CP: variants seen among roughly 807,000 people sequenced by gnomAD.
The protein encoded by CP is caeruloplasmin.
CP carries 64 observed loss-of-function variants against 122.4 expected under a neutral mutation model. That is an observed-to-expected ratio of 0.52 (90% CI 0.43 to 0.64). The LOEUF (loss-of-function observed/expected upper bound fraction) is 0.64, where lower values mean the gene tolerates loss of function less well. Ranked by LOEUF, CP falls within the 30% of genes least tolerant of loss-of-function variation. The pLI, the probability that CP is intolerant of heterozygous loss-of-function variation, is 0.00. For missense variants in CP, 1,167 were observed against 1,284.4 expected, an observed-to-expected ratio of 0.91 and a Z score of 1.40; for synonymous variants, 440 against 436.4, an observed-to-expected ratio of 1.01 and a Z score of -0.10.
exon 6 of CP, chr3:149,162,629 C>T: frequency 6.5e-7 from 1 of 1,532,730 alleles, no homozygotes; most frequent in Non-Finnish European, 9.0e-7. Context: ...TTCAGCCCAG[C>T]TGTCGCTTTA....
At position 149,173,644 on chromosome 3, in the gene CP, A is replaced by G. The variant is rs555277984; in HGVS notation, c.*70T>C. ...TCATTCCAAAGTAACATTCTATTTT[A>G]CACTTTCACATACATTGTTATGAAT... On this transcript the variant is annotated 3_prime_UTR_variant, in exon 19 of 19. Coordinates refer to ENST00000264613, the MANE Select transcript of CP (RefSeq NM_000096.4). 3.0e-6 allele frequency: 3 copies of G among 992,384 alleles called. No individual in the cohort carries two copies. Among genetic ancestry groups the G allele is most frequent in the Non-Finnish European group, 3.1e-6 (2 of 650,082 alleles). The allele number at this position is 992,384 out of a possible 1,614,324, so 61.5% of individuals were successfully genotyped here. A position where few individuals can be genotyped will look rare whatever the true frequency, so the allele number is the denominator to read the frequency against.
intron 7 of CP, among the ~76,000 whole-genome samples, chr3:149,201,314 G>T (rs1727297735): frequency 6.6e-6 from 1 of 151,806 alleles, no homozygotes; most frequent in Admixed American, 6.6e-5. Flanking sequence ...AGTAGAGACT[G>T]GTTTCACCGT....
chr3:149,182,050 G>A lies in CP; in HGVS notation c.2509C>T (p.His837Tyr). Residue 837 changes from histidine to tyrosine, a missense_variant, in exon 14 of 19, where the codon CAT (histidine) becomes TAT (tyrosine). His to Tyr is a moderately conservative substitution (Grantham distance 83). Coordinates refer to ENST00000264613, the MANE Select transcript of CP (RefSeq NM_000096.4). Reference protein sequence around the residue: ...MATRPYSIHAHGVQTESSTVT... With the variant: ...MATRPYSIHAYGVQTESSTVT... ...GTAGAACTCTCTGTTTGTACCCCATGGGCATGTATTGAGTAGGGCCTTGTG... is the reference window on the plus strand; with the variant it reads ...GTAGAACTCTCTGTTTGTACCCCATAGGCATGTATTGAGTAGGGCCTTGTG... The A allele has an allele frequency of 6.3e-7, 1 of 1,592,542 alleles. No individual in the cohort carries two copies. Among genetic ancestry groups the A allele is most frequent in the South Asian group, 1.1e-5 (1 of 90,684 alleles).
At chr3:149,179,198 C>T (rs1159808804) in intron 15 of CP, among the ~76,000 whole-genome samples, 7 of 152,080 alleles carry the variant, frequency 4.6e-5, no homozygotes, top group Admixed American at 4.6e-4. Context: ...CAACGGCCTC[C>T]CAACCTCCAG....
chr3:149,164,792 T>C (rs1724241747), intron 5 of CP, among the ~76,000 whole-genome samples: 1 of 152,216 alleles, frequency 6.6e-6, no homozygotes, highest in African/African-American at 2.4e-5. Flanking sequence ...CGCACAGTTA[T>C]CATCTTTGTG....
intron 5 of CP, 101 bp from the exon 6 acceptor site, chr3:149,206,440 G>A (rs2108288177): frequency 7.5e-7 from 1 of 1,325,656 alleles, no homozygotes; most frequent in Non-Finnish European, 1.1e-6. Context: ...GAAATTGAAG[G>A]AATAGACAGA....
Position 149,188,054 on chromosome 3 carries a change from T to G in CP, c.1862A>C (p.His621Pro), listed in dbSNP as rs776571633. 5.6e-6 allele frequency: 9 copies of G among 1,611,696 alleles called. No individual in the cohort carries two copies. The highest frequency in any genetic ancestry group is 1.3e-5 in the African/African-American group (1 of 74,966). Residue 621 changes from histidine (H) to proline (P), a missense_variant and splice_region_variant, in exon 10 of 19, where the codon CAC becomes CCC. Transcript: ENST00000264613. ...DEDFQESNKM[H>P]SMNGFMYGNQ... ...TTGGTGGATGATGCAGTACTTACAG[T>G]GCATTTTATTAGATTCCTGAAAGTC...
At chr3:149,195,444 A>C (rs920743970) in intron 9 of CP, among the ~76,000 whole-genome samples, 2 of 152,244 alleles carry the variant, frequency 1.3e-5, no homozygotes, top group African/African-American at 4.8e-5. Context: ...CTTGTCAAAT[A>C]AGGGACTGAT....
At chr3:149,208,156 A>T (rs1405967753) in intron 4 of CP, among the ~76,000 whole-genome samples, 4 of 152,070 alleles carry the variant, frequency 2.6e-5, no homozygotes, top group Non-Finnish European at 5.9e-5. Context: ...GGAGGGAAAA[A>T]ATGTAGAAGG....
intron 9 of CP, among the ~76,000 whole-genome samples, chr3:149,194,519 A>G (rs1005361162): frequency 6.6e-6 from 1 of 152,078 alleles, no homozygotes; most frequent in Non-Finnish European, 1.5e-5. Context: ...GATTACAGGT[A>G]TGAACCACCA....
In CP at chr3:149,212,498, G is replaced by T. The variant is rs73866999; in HGVS notation, c.347C>A (p.Pro116His). 1,676 of 1,613,804 alleles carry T rather than the reference G, an allele frequency of 1.0e-3. 19 individuals carry two copies. In the African/African-American group the frequency reaches 0.02, roughly 19 times the overall value. ...YVHLKNLASR[P>H]YTFHSHGITY... is the part of the protein sequence containing the mutation. ...TATTCCATGTGAATGAAAGGTGTAGGGCCTAGAGGCAAGGTTTTTTAAGTG... is the reference window on the plus strand; with the variant it reads ...TATTCCATGTGAATGAAAGGTGTAGTGCCTAGAGGCAAGGTTTTTTAAGTG... Residue 116 changes from proline (P) to histidine (H), a missense_variant, in exon 2 of 19, where the codon CCC becomes CAC. By Grantham distance (77) the Pro-to-His change is moderately conservative. This residue lies in a region of CP where 642 missense variants were observed against 627.3 expected (regional missense o/e 1.02). Coordinates refer to ENST00000264613, the MANE Select transcript of CP (RefSeq NM_000096.4).
rs1252538148 is a variant in CP at position 149,177,821 on chromosome 3, TGCCATG to T, written c.3018+13_3018+18del. On this transcript the variant is annotated intron_variant, in intron 17 of 18. Coordinates refer to ENST00000264613, the MANE Select transcript of CP (RefSeq NM_000096.4). ...CATTTTCAAACAGAGCAAGAGTAAT[TGCCATG>T]GATAGCTCTTACCTTGTATTGGAAG... 6.2e-7 allele frequency: 1 copy of T among 1,611,996 alleles called. No individual in the cohort carries two copies. The highest frequency in any genetic ancestry group is 1.3e-5 in the African/African-American group (1 of 74,902).
At chr3:149,202,431 C>A (rs34550573) in intron 6 of CP, among the ~76,000 whole-genome samples, 190 bp from the exon 7 acceptor site, 2,089 of 152,120 alleles carry the variant, frequency 0.014, 48 homozygotes, top group African/African-American at 0.046. Flanking sequence ...GAAGGATGGT[C>A]AGTTAAGAAG....
downstream of CP, among the ~76,000 whole-genome samples, chr3:149,168,781 G>A (rs1442612867): frequency 5.0e-4 from 76 of 152,252 alleles, no homozygotes; most frequent in South Asian, 4.2e-4. Flanking sequence ...TCAGAAGATG[G>A]AAGTGTCAGA....
At chr3:149,181,878 C>G in intron 14 of CP, 127 bp downstream of exon 14, 2 of 1,046,210 alleles carry the variant, frequency 1.9e-6, no homozygotes, top group Non-Finnish European at 1.5e-6. Flanking sequence ...CACCTCCTTG[C>G]ATCCCCTCTT....
chr3:149,175,932 C>T (rs530055238), intron 18 of CP: 2 of 260,966 alleles, frequency 7.7e-6, no homozygotes, highest in South Asian at 1.2e-4. Context: ...CTAAATGTGT[C>T]TTATGTAAAT....
intron 14 of CP, among the ~76,000 whole-genome samples, chr3:149,181,314 C>G (rs1409128759): frequency 6.6e-6 from 1 of 152,268 alleles, no homozygotes; most frequent in Admixed American, 6.5e-5. Flanking sequence ...AGAATCAATT[C>G]GTGCACAATT....
At chr3:149,184,160 G>A (rs903866243) in intron 12 of CP, among the ~76,000 whole-genome samples, 1 of 144,242 alleles carries the variant, frequency 6.9e-6, no homozygotes, top group South Asian at 2.4e-4. Context: ...TTCAGCCTCC[G>A]AGTAGCTGGG....
intron 3 of CP, 117 bp downstream of exon 3, chr3:149,210,046 TACCA>T: frequency 2.2e-6 from 2 of 922,174 alleles, no homozygotes; most frequent in Admixed American, 2.0e-5. Flanking sequence ...TTTTTCTACT[TACCA>T]CCTCTCTACC....
Sources: allele counts gnomAD v4.1 joint callset (sites outside exome capture counted in the v4.1 genomes callset), GRCh38; gene constraint gnomAD v4.1.1; regional missense constraint gnomAD v4.1.1; transcripts MANE v1.5; gene names NCBI Gene and HGNC (gene_info 2026-07-23, HGNC 2026-07-21).